PCLO: variants seen among roughly 807,000 people sequenced by gnomAD.
PCLO encodes piccolo presynaptic cytomatrix protein, also known as protein piccolo.
PCLO carries 82 observed loss-of-function variants against 427.5 expected under a neutral mutation model. The observed-to-expected ratio is 0.19, with a 90% CI of 0.16 to 0.23. PCLO has a LOEUF of 0.23. Ranked by LOEUF, PCLO falls within the 10% of genes least tolerant of loss-of-function variation. The pLI, the probability that PCLO is intolerant of heterozygous loss-of-function variation, is 1.00. For synonymous variants in PCLO, 2,357 were observed against 2,155.4 expected (o/e 1.09, Z -2.59); for missense variants, 6,239 against 6,115.9 (o/e 1.02, Z -0.67).
chr7:82,895,000 T>C (rs929488694), intron 9 of PCLO, among the ~76,000 whole-genome samples: 2 of 151,986 alleles, frequency 1.3e-5, no homozygotes, highest in Non-Finnish European at 2.9e-5. Context: ...GAAAGTAAAA[T>C]CATAGTCATA....
rs535900979 is a variant in PCLO at position 83,028,803 on chromosome 7, G to A, written c.3301-62316C>T. Among the ~76,000 whole-genome samples, 57 of 149,048 alleles carry A rather than the reference G, an allele frequency of 3.8e-4. No individual in the cohort carries two copies. The East Asian group carries it at 7.0e-3, about 18-fold the overall frequency. On this transcript the variant is annotated intron_variant, in intron 3 of 24. Transcript: ENST00000333891. ...GAACAGAGCCCTCAGAAATAACGCC[G>A]CGTATCTACAACTATCTGATCTTTG...
chr7:83,115,872 C>T (rs1191239119), intron 3 of PCLO, among the ~76,000 whole-genome samples: 1 of 151,896 alleles, frequency 6.6e-6, no homozygotes, highest in Non-Finnish European at 1.5e-5. Context: ...CCAAATTAAA[C>T]CTTGGGGTGT....
chr7:83,080,424 A>G (rs767614210), intron 3 of PCLO, among the ~76,000 whole-genome samples: 3 of 152,084 alleles, frequency 2.0e-5, no homozygotes, highest in Non-Finnish European at 2.9e-5. Context: ...CTGTCGTGAG[A>G]TGGTATGTCA....
intron 3 of PCLO, among the ~76,000 whole-genome samples, chr7:83,055,836 A>C (rs1412172878): frequency 6.6e-6 from 1 of 152,130 alleles, no homozygotes; most frequent in Non-Finnish European, 1.5e-5. Context: ...CCAAATGTAA[A>C]TTCAGGTCAA....
At chr7:82,892,224 C>A (rs954923567) in intron 9 of PCLO, among the ~76,000 whole-genome samples, 1 of 152,244 alleles carries the variant, frequency 6.6e-6, no homozygotes, top group Non-Finnish European at 1.5e-5. Context: ...GGTACCAAAA[C>A]AGAGATATAG....
At chr7:82,807,702 A>T (rs577621747) in intron 20 of PCLO, among the ~76,000 whole-genome samples, 1 of 152,078 alleles carries the variant, frequency 6.6e-6, no homozygotes, top group Non-Finnish European at 1.5e-5. Context: ...TCCCGAGAAT[A>T]GGGAACAAGA....
chr7:82,928,910 G>A (rs1253891261), intron 6 of PCLO, among the ~76,000 whole-genome samples: 1 of 152,128 alleles, frequency 6.6e-6, no homozygotes, highest in East Asian at 1.9e-4. Context: ...CCTGAGAACA[G>A]TGGTTTCTGC....
chr7:82,982,551 T>C (rs989273458), intron 3 of PCLO, among the ~76,000 whole-genome samples: 1 of 152,028 alleles, frequency 6.6e-6, no homozygotes, highest in South Asian at 2.1e-4. Flanking sequence ...CTTTATTTTG[T>C]GATTCAAGAT....
At position 82,827,391 on chromosome 7, in the gene PCLO, T is replaced by C. The variant is rs546449428; in HGVS notation, c.14343+482A>G. 3.3e-5 allele frequency among the ~76,000 whole-genome samples: 5 copies of C among 152,170 alleles called. No individual in the cohort carries two copies. In the South Asian group the frequency reaches 1.0e-3, roughly 32 times the overall value. Reference sequence around the variant, plus strand: ...CTAGTCATCATTTTGCCTTCTTCTGTAGAGATTAGCACCACAATGCCAGAT... The same window carrying C: ...CTAGTCATCATTTTGCCTTCTTCTGCAGAGATTAGCACCACAATGCCAGAT... On this transcript the variant is annotated intron_variant, in intron 17 of 24. Transcript: ENST00000333891.
intron 3 of PCLO, among the ~76,000 whole-genome samples, chr7:83,099,610 C>T (rs916878739): frequency 1.3e-5 from 2 of 151,818 alleles, no homozygotes; most frequent in African/African-American, 4.8e-5. Flanking sequence ...AGGCTGGTCT[C>T]GAACTCCTGA....
chr7:83,080,462 G>T (rs908207377), intron 3 of PCLO, among the ~76,000 whole-genome samples: 25 of 152,060 alleles, frequency 1.6e-4, no homozygotes, highest in African/African-American at 5.8e-4. Flanking sequence ...ATTTAAGAGA[G>T]GATTTTTTTA....
In PCLO at chr7:82,952,831, T is replaced by A; in HGVS notation, c.8122A>T (p.Ile2708Leu). 1 of 1,613,630 alleles carries A rather than the reference T, an allele frequency of 6.2e-7. No homozygotes were observed. Among genetic ancestry groups the A allele is most frequent in the Non-Finnish European group, 8.5e-7 (1 of 1,179,596 alleles). The change falls in exon 5 of 25, where the codon ATA becomes TTA. Residue 2708 changes from isoleucine (I) to leucine (L), a missense_variant. Transcript: ENST00000333891. ...IPPEPLALDN[I>L]HLEKPQYKED... ...TTATACTGAGGCTTCTCTAAATGTATGTTATCTAGAGCAAGAGGCTCTGGA... is the reference window on the plus strand; with the variant it reads ...TTATACTGAGGCTTCTCTAAATGTAAGTTATCTAGAGCAAGAGGCTCTGGA...
At chr7:82,862,269 A>C (rs1472857431) in intron 10 of PCLO, among the ~76,000 whole-genome samples, 1 of 152,026 alleles carries the variant, frequency 6.6e-6, no homozygotes, top group Non-Finnish European at 1.5e-5. Context: ...ACCCCAGTTA[A>C]AATGGCTTAT....
intron 3 of PCLO, among the ~76,000 whole-genome samples, chr7:83,090,285 C>T (rs1254212939): frequency 1.3e-5 from 2 of 152,090 alleles, no homozygotes; most frequent in African/African-American, 2.4e-5. Context: ...TACTGGCTGA[C>T]GTGTGCTGAA....
rs149352448 is a variant in PCLO at position 83,080,575 on chromosome 7, G to A, written c.3300+53675C>T. Among the ~76,000 whole-genome samples the A allele has an allele frequency of 2.6e-3, 393 of 152,028 alleles. 3 individuals carry two copies. Among genetic ancestry groups the A allele is most frequent in the African/African-American group, 7.8e-3 (325 of 41,474 alleles). ...AAAGCTCATTTTAAAGTCCATTTCC[G>A]TATGTCATTTGAATGCTCTCCCCAA... On this transcript the variant is annotated intron_variant, in intron 3 of 24. Coordinates refer to ENST00000333891, the MANE Select transcript of PCLO (RefSeq NM_033026.6).
At chr7:82,989,088 T>G (rs778004099) in intron 3 of PCLO, among the ~76,000 whole-genome samples, 2 of 151,974 alleles carry the variant, frequency 1.3e-5, no homozygotes, top group Non-Finnish European at 2.9e-5. Flanking sequence ...CCTCCCAAAG[T>G]GGTGGGATTA....
In PCLO at chr7:83,117,839, G is replaced by C. The variant is rs146375722; in HGVS notation, c.3300+16411C>G. On this transcript the variant is annotated intron_variant, in intron 3 of 24. Transcript: ENST00000333891. ...ACAGGTTAACTTATTAGTGAAGTTG[G>C]GTAAAGTCAAATCCCAGGACAGATA... 5.9e-5 allele frequency among the ~76,000 whole-genome samples: 9 copies of C among 152,232 alleles called. No homozygotes were observed. The East Asian group carries it at 1.7e-3, about 29-fold the overall frequency.
intron 6 of PCLO, among the ~76,000 whole-genome samples, chr7:82,948,306 C>T (rs537351442): frequency 2.8e-5 from 4 of 141,470 alleles, no homozygotes; most frequent in Admixed American, 7.2e-5. Flanking sequence ...AAAAAAAAAA[C>T]GTAATAACGC....
At chr7:82,808,117 C>A (rs974269211) in intron 20 of PCLO, among the ~76,000 whole-genome samples, 1 of 151,848 alleles carries the variant, frequency 6.6e-6, no homozygotes, top group Non-Finnish European at 1.5e-5. Flanking sequence ...AGCTGTCATA[C>A]TTTTTGATGG....
Sources: gnomAD v4.1 joint callset for allele counts (sites outside exome capture counted in the v4.1 genomes callset) on GRCh38, gnomAD v4.1.1 for gene constraint, MANE v1.5 for transcripts, NCBI Gene and HGNC (gene_info 2026-07-23, HGNC 2026-07-21) for gene names.